ISX: variants seen among roughly 807,000 people sequenced by gnomAD.
ISX encodes the protein intestine specific homeobox.
ISX carries 15 observed loss-of-function variants against 16.9 expected under a neutral mutation model. That is an observed-to-expected ratio of 0.89 (90% CI 0.59 to 1.36). The LOEUF is 1.36. Ranked by LOEUF, ISX falls within the 40% of genes most tolerant of loss-of-function variation. The pLI, the probability that ISX is intolerant of heterozygous loss-of-function variation, is 0.00. For missense variants in ISX, 316 were observed against 306.1 expected, an observed-to-expected ratio of 1.03 and a Z score of -0.24; for synonymous variants, 125 against 119.7, an observed-to-expected ratio of 1.04 and a Z score of -0.29.
intron 2 of ISX, among the ~76,000 whole-genome samples, chr22:35,072,358 G>T (rs771281054): frequency 6.6e-6 from 1 of 152,216 alleles, no homozygotes; most frequent in African/African-American, 2.4e-5. Flanking sequence ...TATGGGACAT[G>T]CAAGGAAGTA....
chr22:35,068,796 G>A (rs1928773031), intron 2 of ISX, among the ~76,000 whole-genome samples: 1 of 152,162 alleles, frequency 6.6e-6, no homozygotes, highest in East Asian at 1.9e-4. Context: ...ATCGGATGGT[G>A]GTATATTCCT....
At chr22:35,082,777 G>T in intron 3 of ISX, 108 bp downstream of exon 3, 4 of 1,156,726 alleles carry the variant, frequency 3.5e-6, no homozygotes, top group Non-Finnish European at 4.9e-6. Flanking sequence ...AGTTTCTGTT[G>T]GCTTTATCCT....
Position 35,082,552 on chromosome 22 carries a change from C to T in ISX, c.264C>T (p.Thr88=). The change falls in exon 3 of 5, where the codon ACC becomes ACT. Residue 88 remains threonine (T), a synonymous_variant. Transcript: ENST00000404699. ...GRKSKRRVRT[T]FTTEQLHELE... is the part of the protein sequence containing the mutation. ...AGAGCAAGCGGAGGGTTCGTACCAC[C>T]TTCACCACTGAGCAGCTGCATGAGC... 1 of 1,614,206 alleles carries T rather than the reference C, an allele frequency of 6.2e-7. No individual in the cohort carries two copies.
In ISX at chr22:35,079,693, A is replaced by T. The variant is rs532506655; in HGVS notation, c.230-2825A>T. Among the ~76,000 whole-genome samples, 9 of 152,312 alleles carry T rather than the reference A, an allele frequency of 5.9e-5. 1 individual carries two copies. Among genetic ancestry groups the T allele is most frequent in the African/African-American group, 2.2e-4 (9 of 41,568 alleles). ...GTTTTTCTTACAAGGAATGTGGAAA[A>T]AATCAGGAGAGGCAAGGTGTTAGCT... is the stretch of plus-strand genomic sequence containing the variant. On this transcript the variant is annotated intron_variant, in intron 2 of 4. Transcript: ENST00000404699.
At chr22:35,084,781 A>G (rs1929208253) in intron 4 of ISX, among the ~76,000 whole-genome samples, 1 of 152,162 alleles carries the variant, frequency 6.6e-6, no homozygotes, top group Admixed American at 6.5e-5. Context: ...TCACAGAGGG[A>G]AGTGCAGTAC....
intron 4 of ISX, among the ~76,000 whole-genome samples, chr22:35,085,209 C>T (rs1441736662): frequency 6.6e-6 from 1 of 152,100 alleles, no homozygotes; most frequent in African/African-American, 2.4e-5. Context: ...ATTGTAAGTA[C>T]CAGGACTCAA....
At chr22:35,082,327 G>T (rs1225787483) in intron 2 of ISX, among the ~76,000 whole-genome samples, 191 bp from the exon 3 acceptor site, 2 of 152,224 alleles carry the variant, frequency 1.3e-5, no homozygotes, top group Non-Finnish European at 2.9e-5. Context: ...CAATGTCCAT[G>T]GTGGGTGAGG....
At chr22:35,083,957 A>G (rs939876614) in intron 3 of ISX, among the ~76,000 whole-genome samples, 5 of 152,260 alleles carry the variant, frequency 3.3e-5, no homozygotes, top group African/African-American at 7.2e-5. Context: ...TGACCCACAC[A>G]TGACTTCCAT....
At chr22:35,079,455 C>T (rs1336949522) in intron 2 of ISX, among the ~76,000 whole-genome samples, 1 of 152,164 alleles carries the variant, frequency 6.6e-6, no homozygotes, top group Non-Finnish European at 1.5e-5. Context: ...GTTAAGCTCT[C>T]TCGGGGAGCC....
chr22:35,072,941 A>G (rs192820731), intron 2 of ISX, among the ~76,000 whole-genome samples: 3 of 152,292 alleles, frequency 2.0e-5, no homozygotes, highest in African/African-American at 7.2e-5. Flanking sequence ...GGAATAAAAG[A>G]TTTATGTCCA....
chr22:35,082,697 G>A, intron 3 of ISX, 28 bp downstream of exon 3: 1 of 1,612,228 alleles, frequency 6.2e-7, no homozygotes, highest in Non-Finnish European at 8.5e-7. Context: ...TCAGCCCCCA[G>A]CCTCCATGCC....
In ISX at chr22:35,082,639, C is replaced by T. The variant is rs763254282; in HGVS notation, c.351C>T (p.Ala117=). 24 of 1,614,190 alleles carry T rather than the reference C, an allele frequency of 1.5e-5. No homozygotes were observed. In the South Asian group the frequency reaches 2.5e-4, roughly 17 times the overall value. The change falls in exon 3 of 5, where the codon GCC becomes GCT. Residue 117 remains alanine, a synonymous_variant. Transcript: ENST00000404699. ...PDVHIRSQLA[A]RINLPEARVQ... is the part of the protein sequence containing the mutation. ...TTCACATCCGCAGCCAGCTGGCAGC[C>T]AGGATCAACCTCCCAGAAGCTCGGG...
At chr22:35,075,181 T>A (rs1006090557) in intron 2 of ISX, among the ~76,000 whole-genome samples, 1 of 151,652 alleles carries the variant, frequency 6.6e-6, no homozygotes, top group Non-Finnish European at 1.5e-5. Flanking sequence ...TGAGATGGAG[T>A]CAGGCAGAGA....
chr22:35,071,779 T>C (rs1327639070), intron 2 of ISX, among the ~76,000 whole-genome samples: 1 of 151,948 alleles, frequency 6.6e-6, no homozygotes, highest in Non-Finnish European at 1.5e-5. Flanking sequence ...AAGGGAGAGG[T>C]ACCCTGGGTC....
At chr22:35,075,822 C>T (rs750187867) in intron 2 of ISX, among the ~76,000 whole-genome samples, 12 of 152,182 alleles carry the variant, frequency 7.9e-5, no homozygotes, top group Non-Finnish European at 1.6e-4. Flanking sequence ...TCAAGGGTCT[C>T]CTCCTAATTG....
chr22:35,069,922 C>A (rs1270594539), intron 2 of ISX, among the ~76,000 whole-genome samples: 1 of 152,202 alleles, frequency 6.6e-6, no homozygotes, highest in African/African-American at 2.4e-5. Flanking sequence ...AAAATGCAGC[C>A]TGTCAGGCCC....
chr22:35,085,003 C>T (rs1036451912), intron 4 of ISX, among the ~76,000 whole-genome samples: 6 of 152,018 alleles, frequency 3.9e-5, no homozygotes, highest in Admixed American at 2.6e-4. Context: ...GGAGACAGCA[C>T]GTATTTTTGA....
In ISX at chr22:35,084,518, AAG is replaced by A. The variant is rs746690399; in HGVS notation, c.498+20_498+21del. On this transcript the variant is annotated intron_variant, in intron 4 of 4. Transcript: ENST00000404699. Reference sequence around the variant, plus strand: ...TGTGGCTGTAAGTGGCTGAGGCCTCAAGGTAGGGTGGAGGGAGCCATTGTCTG... The same window carrying A: ...TGTGGCTGTAAGTGGCTGAGGCCTCAGTAGGGTGGAGGGAGCCATTGTCTG... The A allele has an allele frequency of 6.5e-7, 1 of 1,528,282 alleles. No individual in the cohort carries two copies. Among genetic ancestry groups the A allele is most frequent in the South Asian group, 1.1e-5 (1 of 88,010 alleles). The allele number at this position is 1,528,282 out of a possible 1,614,324, so 94.7% of individuals were successfully genotyped here.
rs371371714 is a variant in ISX at position 35,085,598 on chromosome 22, C to G, written c.643C>G (p.Pro215Ala). The G allele has an allele frequency of 8.1e-6, 13 of 1,614,114 alleles. No homozygotes were observed. The highest frequency in any genetic ancestry group is 1.1e-5 in the Non-Finnish European group (13 of 1,180,048). The change falls in exon 5 of 5, where the codon CCA becomes GCA. Residue 215 changes from proline (P) to alanine (A), a missense_variant. Pro to Ala is a conservative substitution (Grantham distance 27). Coordinates refer to ENST00000404699, the MANE Select transcript of ISX (RefSeq NM_001303508.2). ...PAHPWETQPV[P>A]GLPIHQTCIP... Reference sequence around the variant, plus strand: ...GCACCCATGGGAAACACAGCCTGTCCCAGGTCTTCCCATCCATCAAACTTG... The same window carrying G: ...GCACCCATGGGAAACACAGCCTGTCGCAGGTCTTCCCATCCATCAAACTTG...
Sources: allele counts gnomAD v4.1 joint callset (sites outside exome capture counted in the v4.1 genomes callset), GRCh38; gene constraint gnomAD v4.1.1; transcripts MANE v1.5; gene names NCBI Gene and HGNC (gene_info 2026-07-23, HGNC 2026-07-21).